AGBL4: variants seen among roughly 807,000 people sequenced by gnomAD.
The protein encoded by AGBL4 is cytosolic carboxypeptidase 6.
Under a neutral mutation model 66.4 loss-of-function variants are expected in AGBL4, and 58 were observed. That is an observed-to-expected ratio of 0.87 (90% CI 0.71 to 1.09). AGBL4 has a LOEUF of 1.09. Among genes scored for constraint, AGBL4 ranks in the 50% least tolerant of loss-of-function variants. AGBL4 has a pLI of 0.00. For missense variants in AGBL4, 579 were observed against 631.0 expected, an observed-to-expected ratio of 0.92 and a Z score of 0.88; for synonymous variants, 234 against 222.9, an observed-to-expected ratio of 1.05 and a Z score of -0.44.
At chr1:48,611,590 A>G (rs1351618465) in intron 9 of AGBL4, among the ~76,000 whole-genome samples, 1 of 152,274 alleles carries the variant, frequency 6.6e-6, no homozygotes, top group Non-Finnish European at 1.5e-5. Context: ...TTCTTACCAT[A>G]GAATGAGAAT....
rs532745151 is a variant in AGBL4, at chr1:49,575,941, T to G, written c.282+121372A>C. ...TGGGTCCATTACACTGATGACATTATGCTGACTGGATCTAGTGAGCAAGAA... is the reference window on the plus strand; with the variant it reads ...TGGGTCCATTACACTGATGACATTAGGCTGACTGGATCTAGTGAGCAAGAA... On this transcript the variant is annotated intron_variant, in intron 3 of 13. Coordinates refer to ENST00000371839, the MANE Select transcript of AGBL4 (RefSeq NM_032785.4). 4.6e-5 allele frequency among the ~76,000 whole-genome samples: 7 copies of G among 152,360 alleles called. No individual in the cohort carries two copies. The South Asian group carries it at 1.2e-3, about 27-fold the overall frequency.
At chr1:49,580,005 T>C (rs1311581985) in intron 3 of AGBL4, among the ~76,000 whole-genome samples, 1 of 152,192 alleles carries the variant, frequency 6.6e-6, no homozygotes, top group Non-Finnish European at 1.5e-5. Context: ...ATTGGGTGCA[T>C]ATGTAGCTAG....
At chr1:50,015,167 CA>C (rs1221344230) in intron 1 of AGBL4, among the ~76,000 whole-genome samples, 3 of 152,178 alleles carry the variant, frequency 2.0e-5, no homozygotes, top group Non-Finnish European at 4.4e-5. Flanking sequence ...TCTCATCATT[CA>C]AGACTCAATT....
At chr1:49,844,793 G>T in intron 2 of AGBL4, 1 of 1,570,888 alleles carries the variant, frequency 6.4e-7, no homozygotes, top group South Asian at 1.1e-5. Flanking sequence ...CTCTGGGATG[G>T]TCTGTGGTAC....
At chr1:48,586,947 T>C in intron 11 of AGBL4, 57 bp downstream of exon 11, 1 of 1,603,154 alleles carries the variant, frequency 6.2e-7, no homozygotes, top group Non-Finnish European at 8.5e-7. Context: ...CCTGTCAGAC[T>C]TGGATACTCT....
At chr1:49,891,638 C>G (rs1345721965) in intron 1 of AGBL4, among the ~76,000 whole-genome samples, 1 of 152,128 alleles carries the variant, frequency 6.6e-6, no homozygotes. Context: ...GTAAAAATTA[C>G]GTTGGTGAAG....
chr1:49,287,532 C>T (rs1401295149), intron 3 of AGBL4, among the ~76,000 whole-genome samples: 3 of 151,562 alleles, frequency 2.0e-5, no homozygotes, highest in Non-Finnish European at 3.0e-5. Flanking sequence ...AAACAAACAA[C>T]CCCATCAAAA....
intron 5 of AGBL4, among the ~76,000 whole-genome samples, chr1:48,948,074 T>G (rs1489316245): frequency 2.6e-5 from 4 of 152,178 alleles, no homozygotes; most frequent in Non-Finnish European, 5.9e-5. Flanking sequence ...CAAGATGATT[T>G]TTCACAAAGG....
chr1:49,066,233 CTT>C (rs1644489558), intron 4 of AGBL4, among the ~76,000 whole-genome samples: 1 of 152,096 alleles, frequency 6.6e-6, no homozygotes, highest in African/African-American at 2.4e-5. Context: ...GGGCTGAGAC[CTT>C]ATAGAATATG....
In AGBL4 at chr1:49,582,336, G is replaced by A. The variant is rs144055140; in HGVS notation, c.282+114977C>T. On this transcript the variant is annotated intron_variant, in intron 3 of 13. Coordinates refer to ENST00000371839, the MANE Select transcript of AGBL4 (RefSeq NM_032785.4). The stretch of plus-strand genomic sequence containing the variant: ...TGAGGTCCTTCCACAAGGTAGGAGT[G>A]GGATCCTGGTCCCAGCTGTCACAGC... Among the ~76,000 whole-genome samples the A allele has an allele frequency of 2.7e-4, 41 of 152,272 alleles. 1 individual carries two copies. The highest frequency in any genetic ancestry group is 9.6e-4 in the African/African-American group (40 of 41,568).
At chr1:49,481,931 T>C (rs1277890332) in intron 3 of AGBL4, among the ~76,000 whole-genome samples, 2 of 151,312 alleles carry the variant, frequency 1.3e-5, no homozygotes, top group Admixed American at 1.3e-4. Context: ...TCATGTTTAC[T>C]GATTTGTGTC....
intron 11 of AGBL4, among the ~76,000 whole-genome samples, chr1:48,545,352 T>G (rs1644142106): frequency 6.6e-6 from 1 of 152,188 alleles, no homozygotes; most frequent in South Asian, 2.1e-4. Flanking sequence ...TATTACATAT[T>G]CCCTAACCTT....
chr1:49,805,783 A>T (rs956537928), intron 2 of AGBL4, among the ~76,000 whole-genome samples: 1 of 152,100 alleles, frequency 6.6e-6, no homozygotes, highest in African/African-American at 2.4e-5. Flanking sequence ...GAGCTGCCTT[A>T]CTCCTTTCGC....
chr1:48,825,731 C>T (rs1646413176), intron 6 of AGBL4, among the ~76,000 whole-genome samples: 1 of 152,062 alleles, frequency 6.6e-6, no homozygotes, highest in Non-Finnish European at 1.5e-5. Flanking sequence ...TAAAATGCAT[C>T]ATATATGCAA....
intron 9 of AGBL4, among the ~76,000 whole-genome samples, chr1:48,624,488 G>T (rs1645466611): frequency 6.6e-6 from 1 of 152,202 alleles, no homozygotes; most frequent in Non-Finnish European, 1.5e-5. Context: ...ACAGGAAAAT[G>T]ATCACTAAAA....
intron 3 of AGBL4, among the ~76,000 whole-genome samples, chr1:49,661,670 T>A (rs1369577289): frequency 6.6e-6 from 1 of 152,104 alleles, no homozygotes; most frequent in Non-Finnish European, 1.5e-5. Flanking sequence ...TATTCCTTTA[T>A]AGCAATGCAA....
intron 8 of AGBL4, chr1:48,647,705 C>T (rs1447495535): frequency 2.5e-6 from 1 of 397,680 alleles, no homozygotes; most frequent in East Asian, 7.3e-5. Flanking sequence ...TACCTATGCT[C>T]AGAAAGCGCC....
At chr1:49,785,744 T>A (rs950993005) in intron 2 of AGBL4, among the ~76,000 whole-genome samples, 15 of 151,718 alleles carry the variant, frequency 9.9e-5, no homozygotes, top group Non-Finnish European at 2.9e-5. Flanking sequence ...AATTTAGCCC[T>A]CTCTGTATCT....
chr1:49,245,489 A>G (rs1651567538), intron 4 of AGBL4, among the ~76,000 whole-genome samples: 2 of 151,718 alleles, frequency 1.3e-5, no homozygotes, highest in Non-Finnish European at 3.0e-5. Flanking sequence ...GCCTTTTCTC[A>G]TAATTGAATG....
Sources: allele counts gnomAD v4.1 joint callset (sites outside exome capture counted in the v4.1 genomes callset), GRCh38; gene constraint gnomAD v4.1.1; transcripts MANE v1.5; gene names NCBI Gene and HGNC (gene_info 2026-07-23, HGNC 2026-07-21).